Variants in PTCH1 observed in about 807,000 individuals in gnomAD.
PTCH1 encodes the protein patched 1.
In PTCH1, 14 loss-of-function variants were observed where a neutral mutation model predicts 144.6. The ratio of observed to expected loss-of-function variants is 0.10; its 90% CI spans 0.06 to 0.15. The LOEUF (loss-of-function observed/expected upper bound fraction) is 0.15. Ranked by LOEUF, PTCH1 falls within the 10% of genes least tolerant of loss-of-function variation. The pLI is 1.00. For missense variants in PTCH1, 1,623 were observed against 1,948.3 expected (o/e 0.83, Z 3.14); for synonymous variants, 833 against 793.6 (o/e 1.05, Z -0.83).
chr9:95,477,442 C>T, intron 10 of PTCH1, 105 bp downstream of exon 10: 2 of 1,496,898 alleles, frequency 1.3e-6, no homozygotes, highest in Admixed American at 3.4e-5. Flanking sequence ...GCTGCAAGAC[C>T]CTTCCGGTGA....
chr9:95,449,460 C>A lies in PTCH1; in HGVS notation c.3550-137G>T. Reference sequence around the variant, plus strand: ...CTGCGCACTGTGCCGTATTAACCTCCCCTTCTCTACCACCTGGAGGACCTT... The same window carrying A: ...CTGCGCACTGTGCCGTATTAACCTCACCTTCTCTACCACCTGGAGGACCTT... On this transcript the variant is annotated intron_variant, in intron 21 of 23. Coordinates refer to ENST00000331920, the MANE Select transcript of PTCH1 (RefSeq NM_000264.5). The surrounding 1 kb of genome is among the most constrained non-coding windows in gnomAD (Gnocchi z 5.3). The A allele has an allele frequency of 8.1e-7, 1 of 1,233,662 alleles. No individual in the cohort carries two copies. The highest frequency in any genetic ancestry group is 1.1e-6 in the Non-Finnish European group (1 of 876,298). 76.4% of individuals were successfully genotyped at this position (1,233,662 alleles called of 1,614,324 possible).
chr9:95,479,856 G>GGATAAC (rs1841386113), intron 7 of PTCH1, 113 bp downstream of exon 7: 1 of 1,542,314 alleles, frequency 6.5e-7, no homozygotes, highest in African/African-American at 1.4e-5. Context: ...TGGCTAGCGA[G>GGATAAC]GATAACGGTT....
chr9:95,509,974 G>GC (rs1176416826), upstream of PTCH1, among the ~76,000 whole-genome samples: 1 of 150,272 alleles, frequency 6.7e-6, no homozygotes, highest in African/African-American at 2.4e-5. Flanking sequence ...AAATCCGTCT[G>GC]CCCCCCAGCC....
chr9:95,509,306 C>G (rs1322882893), upstream of PTCH1, among the ~76,000 whole-genome samples: 1 of 152,192 alleles, frequency 6.6e-6, no homozygotes, highest in Non-Finnish European at 1.5e-5. Flanking sequence ...AAGGCTGGAG[C>G]TCCCGCCCCC....
chr9:95,496,550 G>GA (rs200432457), intron 2 of PTCH1, among the ~76,000 whole-genome samples: 44 of 135,630 alleles, frequency 3.2e-4, no homozygotes, highest in Middle Eastern at 3.7e-3. Context: ...AAAAAAAAAA[G>GA]AAAAAAAAAA....
intron 22 of PTCH1, among the ~76,000 whole-genome samples, 176 bp from the exon 23 acceptor site, chr9:95,447,627 C>T (rs757054528): frequency 1.3e-5 from 2 of 152,332 alleles, no homozygotes; most frequent in South Asian, 4.1e-4. Context: ...CAGGACCTGG[C>T]GGAGGAGCGT....
chr9:95,461,853 T>TA lies in PTCH1; in HGVS notation c.2703+2dup, dbSNP rs756287029. 1 of 1,614,062 alleles carries TA rather than the reference T, an allele frequency of 6.2e-7. No homozygotes were observed. Among genetic ancestry groups the TA allele is most frequent in the Admixed American group, 1.7e-5 (1 of 60,012 alleles). On this transcript the variant is annotated splice_region_variant and intron_variant, in intron 16 of 23. Transcript: ENST00000331920. The stretch of plus-strand genomic sequence containing the variant: ...CGCCCTCAGTGCCCAGCAGCTGGAG[T>TA]ACCTGGCTGATGTCGATGGGCTTAT...
chr9:95,466,189 A>G (rs549246500), intron 15 of PTCH1, among the ~76,000 whole-genome samples: 1 of 152,234 alleles, frequency 6.6e-6, no homozygotes, highest in African/African-American at 2.4e-5. Flanking sequence ...CTGGAATTAC[A>G]GGCACCCACC....
At chr9:95,502,937 C>A (rs1242692410) in intron 2 of PTCH1, among the ~76,000 whole-genome samples, 2 of 152,118 alleles carry the variant, frequency 1.3e-5, no homozygotes. Flanking sequence ...ATTAACATGC[C>A]TTTGGCAGAT....
At chr9:95,450,830 A>G (rs1459974515) in intron 20 of PTCH1, 1 of 152,236 alleles carries the variant, frequency 6.6e-6, no homozygotes, top group Non-Finnish European at 1.5e-5. Flanking sequence ...AAGGTCTGGA[A>G]TCCTTCATGA....
rs1587701598 is a variant in PTCH1, at chr9:95,508,453, G to A, written c.-92C>T. 1.9e-6 allele frequency: 2 copies of A among 1,026,362 alleles called. No homozygotes were observed. The highest frequency in any genetic ancestry group is 8.9e-5 in the South Asian group (2 of 22,558). 63.6% of individuals were successfully genotyped at this position (1,026,362 alleles called of 1,614,324 possible). On this transcript the variant is annotated 5_prime_UTR_variant, in exon 1 of 24. Transcript: ENST00000331920. ...GCTGCTGCGGGCTCCTGGCGCGCCT[G>A]GGCGCTCGGCTTGCGAGGACGCTGC... is the stretch of plus-strand genomic sequence containing the variant.
At chr9:95,469,688 C>T (rs1288835528) in intron 13 of PTCH1, 125 bp downstream of exon 13, 8 of 982,750 alleles carry the variant, frequency 8.1e-6, no homozygotes, top group Non-Finnish European at 1.1e-5. Context: ...AATCTCTCCC[C>T]TACGTTCTCC....
At position 95,477,577 on chromosome 9, in the gene PTCH1, G is replaced by C. The variant is rs768183391; in HGVS notation, c.1473C>G (p.Ile491Met). The C allele has an allele frequency of 4.3e-6, 7 of 1,614,038 alleles. No homozygotes were observed. In the Admixed American group the frequency reaches 6.7e-5, roughly 15 times the overall value. ...TTGTTGCAGCGTTAAAGGAAATTCC[G>C]ATCAATGAGCACAGGCCCAGTCCTG... is the stretch of plus-strand genomic sequence containing the variant. ...VAAGLGLCSL[I>M]GISFNAATTQ... Residue 491 changes from isoleucine (I) to methionine (M), a missense_variant, in exon 10 of 24, where the codon ATC becomes ATG. This residue lies in a region of PTCH1 where 135 missense variants were observed against 228.7 expected (regional missense o/e 0.59). Coordinates refer to ENST00000331920, the MANE Select transcript of PTCH1 (RefSeq NM_000264.5).
rs1841573078 is a variant in PTCH1 at position 95,481,980 on chromosome 9, C to T, written c.715G>A (p.Ala239Thr). Reference sequence around the variant, plus strand: ...TATGCTGTCCCAGACTGTAATTTCGCCCCTTCCCAGAAGCAGTCCAAAGGT... The same window carrying T: ...TATGCTGTCCCAGACTGTAATTTCGTCCCTTCCCAGAAGCAGTCCAAAGGT... ...ITPLDCFWEG[A>T]KLQSGTAYLL... The change falls in exon 5 of 24, where the codon GCG becomes ACG. Residue 239 changes from alanine to threonine, a missense_variant. Transcript: ENST00000331920. The T allele has an allele frequency of 1.2e-6, 2 of 1,613,816 alleles. No homozygotes were observed. Among genetic ancestry groups the T allele is most frequent in the Non-Finnish European group, 1.7e-6 (2 of 1,179,700 alleles).
Position 95,467,344 on chromosome 9 carries a change from T to C in PTCH1, c.2332A>G (p.Thr778Ala), listed in dbSNP as rs869025270. ...CTGGTTTCCCGAGGTACAATGTCCG[T>C]AAGGTCCAGCCCGTCTCTCACTCGG... is the stretch of plus-strand genomic sequence containing the variant. ...TTRVRDGLDL[T>A]DIVPRETREY... Residue 778 changes from threonine to alanine, a missense_variant, in exon 15 of 24, where the codon ACG becomes GCG. Physicochemically the swap from Thr to Ala is moderately conservative, Grantham distance 58 (BLOSUM62 0). This residue lies in a region of PTCH1 where 504 missense variants were observed against 679.3 expected (regional missense o/e 0.74). Coordinates refer to ENST00000331920, the MANE Select transcript of PTCH1 (RefSeq NM_000264.5). The C allele has an allele frequency of 6.2e-7, 1 of 1,614,206 alleles. No individual in the cohort carries two copies. The highest frequency in any genetic ancestry group is 8.5e-7 in the Non-Finnish European group (1 of 1,180,030).
At chr9:95,502,308 G>A (rs1044234689) in intron 2 of PTCH1, among the ~76,000 whole-genome samples, 4 of 152,216 alleles carry the variant, frequency 2.6e-5, no homozygotes, top group Non-Finnish European at 5.9e-5. Flanking sequence ...CCGTGTACCT[G>A]CTGAATGTTT....
chr9:95,456,222 C>G (rs550035984), intron 19 of PTCH1, 54 bp downstream of exon 19: 22 of 1,606,948 alleles, frequency 1.4e-5, no homozygotes, highest in Non-Finnish European at 1.9e-5. Context: ...CAAACAGAGC[C>G]AGAGGAAATG....
intron 2 of PTCH1, among the ~76,000 whole-genome samples, chr9:95,493,572 C>CA (rs1842577407): frequency 6.6e-6 from 1 of 152,210 alleles, no homozygotes; most frequent in Admixed American, 6.5e-5. Context: ...AGTACCCACT[C>CA]AGAGTCCAAT....
Position 95,468,831 on chromosome 9 carries a change from C to G in PTCH1, c.2170G>C (p.Glu724Gln), listed in dbSNP as rs144501989. Residue 724 changes from glutamate to glutamine, a missense_variant, in exon 14 of 24, where the codon GAG becomes CAG. Glu to Gln is a conservative substitution (Grantham distance 29, BLOSUM62 2). Transcript: ENST00000331920. ...AGTGTCCACTTCGTACAGGGGGGCT[C>G]GAGGCAGTGGAGGCTGGAGTCGGAG... The part of the protein sequence containing the change: ...QFSDSSLHCL[E>Q]PPCTKWTLSS... The G allele has an allele frequency of 6.2e-7, 1 of 1,614,010 alleles. No individual in the cohort carries two copies. Among genetic ancestry groups the G allele is most frequent in the Non-Finnish European group, 8.5e-7 (1 of 1,179,996 alleles).
Sources: gnomAD v4.1 joint callset for allele counts (sites outside exome capture counted in the v4.1 genomes callset) on GRCh38, gnomAD v4.1.1 for gene constraint, gnomAD v4.1.1 regional missense constraint, Gnocchi (gnomAD v3.1) non-coding constraint, MANE v1.5 for transcripts, NCBI Gene and HGNC (gene_info 2026-07-23, HGNC 2026-07-21) for gene names.